Variants in DENND5A observed in about 807,000 individuals in gnomAD.
DENND5A encodes the protein DENN domain-containing protein 5A.
In DENND5A, 64 loss-of-function variants were observed where a neutral mutation model predicts 140.3. The ratio of observed to expected loss-of-function variants is 0.46; its 90% CI spans 0.37 to 0.56. DENND5A has a LOEUF of 0.56. Among genes scored for constraint, DENND5A ranks in the 20% least tolerant of loss-of-function variants. The pLI, the probability that DENND5A is intolerant of heterozygous loss-of-function variation, is 0.00. For synonymous variants in DENND5A, 605 were observed against 607.7 expected, an observed-to-expected ratio of 1.00 and a Z score of 0.07; for missense variants, 1,292 against 1,593.8, an observed-to-expected ratio of 0.81 and a Z score of 3.22.
intron 22 of DENND5A, chr11:9,140,124 T>G: frequency 1.4e-6 from 2 of 1,433,116 alleles, no homozygotes; most frequent in South Asian, 2.4e-5. Context: ...GCCCCACCAC[T>G]GGTGTCTCCC....
intron 10 of DENND5A, 71 bp downstream of exon 10, chr11:9,169,785 A>G (rs1848311244): frequency 1.0e-6 from 1 of 992,330 alleles, no homozygotes; most frequent in Admixed American, 1.8e-5. Context: ...ACCAGAGAAC[A>G]GGAAATGAGA....
At chr11:9,237,091 T>C (rs866748200) in intron 1 of DENND5A, among the ~76,000 whole-genome samples, 2 of 152,196 alleles carry the variant, frequency 1.3e-5, no homozygotes, top group Non-Finnish European at 2.9e-5. Context: ...TATGAAAAGA[T>C]GTTCAGCCTA....
intron 1 of DENND5A, among the ~76,000 whole-genome samples, chr11:9,211,658 A>G (rs1042992539): frequency 6.6e-6 from 1 of 152,120 alleles, no homozygotes; most frequent in Non-Finnish European, 1.5e-5. Flanking sequence ...CTCAGGCCAG[A>G]CATGGTGGCT....
chr11:9,224,142 C>G (rs753828869), intron 1 of DENND5A, among the ~76,000 whole-genome samples: 1 of 152,048 alleles, frequency 6.6e-6, no homozygotes, highest in Non-Finnish European at 1.5e-5. Flanking sequence ...TGCAGTGAGC[C>G]GAGATCACGC....
At chr11:9,193,413 C>A (rs1564907655) in intron 5 of DENND5A, 81 bp downstream of exon 5, 1 of 1,131,926 alleles carries the variant, frequency 8.8e-7, no homozygotes, top group African/African-American at 1.6e-5. Flanking sequence ...TTGGTAACAT[C>A]ATGCATGCTG....
chr11:9,179,788 C>T (rs1036491702), intron 6 of DENND5A, among the ~76,000 whole-genome samples: 28 of 152,148 alleles, frequency 1.8e-4, no homozygotes, highest in Non-Finnish European at 2.8e-4. Context: ...CGTGAGCCAC[C>T]GCATCCAGCC....
chr11:9,218,694 G>A, intron 1 of DENND5A, among the ~76,000 whole-genome samples: 1 of 152,254 alleles, frequency 6.6e-6, no homozygotes, highest in East Asian at 1.9e-4. Context: ...GGGTGACAGA[G>A]TGAAACTTTG....
At chr11:9,260,027 C>CA (rs56390201) in intron 1 of DENND5A, among the ~76,000 whole-genome samples, 71 of 63,852 alleles carry the variant, frequency 1.1e-3, no homozygotes, top group African/African-American at 3.3e-3. Context: ...GACTCCATCT[C>CA]AAAAAAAAAA....
intron 2 of DENND5A, chr11:9,207,340 C>T (rs535006540): frequency 1.3e-4 from 70 of 523,300 alleles, no homozygotes; most frequent in African/African-American, 1.2e-3. Flanking sequence ...TTTCCCATTC[C>T]CCCTCCTAAA....
chr11:9,161,323 G>A (rs1847977171), intron 11 of DENND5A, among the ~76,000 whole-genome samples: 1 of 151,212 alleles, frequency 6.6e-6, no homozygotes. Context: ...ACTCCAGCCT[G>A]GGCAACAGAG....
chr11:9,251,666 T>C (rs1590339974), intron 1 of DENND5A, among the ~76,000 whole-genome samples: 1 of 152,166 alleles, frequency 6.6e-6, no homozygotes, highest in Non-Finnish European at 1.5e-5. Flanking sequence ...AATATGGCAT[T>C]TGACTAACTG....
At chr11:9,176,823 G>A (rs1468028868) in intron 8 of DENND5A, 3 of 455,042 alleles carry the variant, frequency 6.6e-6, no homozygotes, top group African/African-American at 4.0e-5. Context: ...ATACTGTTCA[G>A]GGTAACATTA....
At chr11:9,157,998 A>C (rs1847867128) in intron 12 of DENND5A, among the ~76,000 whole-genome samples, 1 of 152,208 alleles carries the variant, frequency 6.6e-6, no homozygotes, top group Admixed American at 6.5e-5. Flanking sequence ...TAGGAATGCA[A>C]TACACAATTT....
At chr11:9,249,688 C>T (rs1438120089) in intron 1 of DENND5A, among the ~76,000 whole-genome samples, 6 of 152,064 alleles carry the variant, frequency 3.9e-5, no homozygotes, top group African/African-American at 4.8e-5. Flanking sequence ...GCTGGGATTA[C>T]AGGCGCCCAC....
Position 9,218,798 on chromosome 11 carries a change from G to A in DENND5A, c.110-11166C>T, listed in dbSNP as rs1342549315. 2.6e-5 allele frequency among the ~76,000 whole-genome samples: 4 copies of A among 152,256 alleles called. No individual in the cohort carries two copies. The East Asian group carries it at 7.7e-4, about 29-fold the overall frequency. On this transcript the variant is annotated intron_variant, in intron 1 of 22. Coordinates refer to ENST00000328194, the MANE Select transcript of DENND5A (RefSeq NM_015213.4). Reference sequence around the variant, plus strand: ...AGACAGGTGGATCACCTGAGGTCAGGAGTGCAAGACCAAGCTAGCCAACAT... The same window carrying A: ...AGACAGGTGGATCACCTGAGGTCAGAAGTGCAAGACCAAGCTAGCCAACAT...
intron 22 of DENND5A, chr11:9,140,144 C>G: frequency 1.4e-6 from 2 of 1,430,888 alleles, no homozygotes; most frequent in Non-Finnish European, 1.9e-6. Flanking sequence ...CAGAGCTTCT[C>G]TCCTCCCACA....
chr11:9,262,071 C>T (rs1264632074), intron 1 of DENND5A, among the ~76,000 whole-genome samples: 1 of 152,128 alleles, frequency 6.6e-6, no homozygotes, highest in Non-Finnish European at 1.5e-5. Context: ...AACACATATC[C>T]ATTAAGACAG....
intron 12 of DENND5A, among the ~76,000 whole-genome samples, chr11:9,157,971 C>T (rs1406157797): frequency 2.0e-5 from 3 of 152,142 alleles, no homozygotes. Flanking sequence ...GTTGCTACTA[C>T]ACCAGTCTCA....
chr11:9,181,579 A>T (rs916837771), intron 5 of DENND5A, among the ~76,000 whole-genome samples: 7 of 152,028 alleles, frequency 4.6e-5, no homozygotes, highest in African/African-American at 1.7e-4. Flanking sequence ...TCTACAAAAA[A>T]ATGCAAAAAT....
Sources: gnomAD v4.1 joint callset for allele counts (sites outside exome capture counted in the v4.1 genomes callset) on GRCh38, gnomAD v4.1.1 for gene constraint, MANE v1.5 for transcripts, NCBI Gene and HGNC (gene_info 2026-07-23, HGNC 2026-07-21) for gene names.